Variants in ATP2A2 observed in about 807,000 individuals in gnomAD.
ATP2A2 encodes the protein ATPase sarcoplasmic/endoplasmic reticulum Ca2+ transporting 2, also known as sarcoplasmic/endoplasmic reticulum calcium ATPase 2.
A neutral mutation model predicts 109.3 loss-of-function variants in ATP2A2; 14 were observed. The ratio of observed to expected loss-of-function variants is 0.13; its 90% confidence interval spans 0.08 to 0.20. The LOEUF (loss-of-function observed/expected upper bound fraction) is 0.20. Ranked by LOEUF, ATP2A2 falls within the 10% of genes least tolerant of loss-of-function variation. The probability of loss-of-function intolerance (pLI) is 1.00; values close to 1 mark genes in which losing one functional copy is unlikely to be tolerated. For synonymous variants in ATP2A2, 506 were observed against 490.9 expected (o/e 1.03, Z -0.41); for missense variants, 657 against 1,321.6 (o/e 0.50, Z 7.80).
rs2137860656 is a variant in ATP2A2 at position 110,342,085 on chromosome 12, A to G, written c.2098-143A>G. 3 of 946,428 alleles carry G rather than the reference A, an allele frequency of 3.2e-6. No homozygotes were observed. The East Asian group carries it at 7.8e-5, about 25-fold the overall frequency. The allele number at this position is 946,428 out of a possible 1,614,324, so 58.6% of individuals were successfully genotyped here. ...AAAATGTGTTTTGTGACACCAACTTATGAAACAAAAATTCTAAAACTCTTT... is the reference window on the plus strand; with the variant it reads ...AAAATGTGTTTTGTGACACCAACTTGTGAAACAAAAATTCTAAAACTCTTT... On this transcript the variant is annotated intron_variant, in intron 14 of 19. Transcript: ENST00000539276. This position sits in a 1 kb window ranked among gnomAD's most constrained non-coding sequence, Gnocchi z 4.6.
Position 110,281,675 on chromosome 12 carries a change from G to T in ATP2A2, c.-115G>T. The T allele has an allele frequency of 1.7e-6, 1 of 602,612 alleles. No individual in the cohort carries two copies. Among genetic ancestry groups the T allele is most frequent in the Non-Finnish European group, 2.6e-6 (1 of 388,042 alleles). The allele number at this position is 602,612 out of a possible 1,614,324, so 37.3% of individuals were successfully genotyped here. A position where few individuals can be genotyped will look rare whatever the true frequency, so the allele number is the denominator to read the frequency against. ...CGGAAGCGGCCGCAAGAGGAGGAGG[G>T]GAGAGCCCGTCCGCGCCTGGGCTCC... On this transcript the variant is annotated 5_prime_UTR_variant, in exon 1 of 20. Transcript: ENST00000539276.
In ATP2A2 at chr12:110,340,410, T is replaced by A. The variant is rs1879233344; in HGVS notation, c.1762-249T>A. 6.6e-6 allele frequency among the ~76,000 whole-genome samples: 1 copy of A among 151,842 alleles called. No homozygotes were observed. The highest frequency in any genetic ancestry group is 1.5e-5 in the Non-Finnish European group (1 of 67,950). ...AAAATTAGCCAGGTGTGGTGGCGCA[T>A]ACCTGTAGTCCCAGCTACCCTGGAG... On this transcript the variant is annotated intron_variant, in intron 13 of 19. Coordinates refer to ENST00000539276, the MANE Select transcript of ATP2A2 (RefSeq NM_170665.4). The surrounding 1 kb of genome is among the most constrained non-coding windows in gnomAD (Gnocchi z 6.0).
intron 8 of ATP2A2, among the ~76,000 whole-genome samples, chr12:110,328,227 A>G (rs1877993648): frequency 1.3e-5 from 2 of 151,928 alleles, no homozygotes; most frequent in Non-Finnish European, 2.9e-5. Flanking sequence ...TGGCTGATAT[A>G]CTTGTATTAG....
intron 5 of ATP2A2, among the ~76,000 whole-genome samples, chr12:110,318,810 C>G (rs1268698993): frequency 2.0e-5 from 3 of 152,118 alleles, no homozygotes; most frequent in Non-Finnish European, 4.4e-5. Context: ...TCTTCAATAT[C>G]TTTCTACAAA....
rs776811812 is a variant in ATP2A2 at position 110,346,221 on chromosome 12, G to T, written c.2880G>T (p.Pro960=). ...EPLPLIFQIT[P]LNVTQWLMVL... is the part of the protein sequence containing the mutation. Reference sequence around the variant, plus strand: ...GTCAGCTCATCTTCCAGATCACACCGCTGAACGTGACCCAGTGGCTGATGG... The same window carrying T: ...GTCAGCTCATCTTCCAGATCACACCTCTGAACGTGACCCAGTGGCTGATGG... Residue 960 remains proline, a synonymous_variant, in exon 20 of 20, where the codon CCG becomes CCT. Coordinates refer to ENST00000539276, the MANE Select transcript of ATP2A2 (RefSeq NM_170665.4). 6.2e-7 allele frequency: 1 copy of T among 1,614,168 alleles called. No homozygotes were observed. The highest frequency in any genetic ancestry group is 2.2e-5 in the East Asian group (1 of 44,882).
At chr12:110,333,870 C>T (rs1878575771) in intron 10 of ATP2A2, 142 bp from the exon 11 acceptor site, 1 of 1,016,214 alleles carries the variant, frequency 9.8e-7, no homozygotes, top group South Asian at 1.5e-5. Flanking sequence ...ATCTGGGTCA[C>T]CTGTTTCAGA....
At chr12:110,290,591 A>C (rs1011831193) in intron 3 of ATP2A2, among the ~76,000 whole-genome samples, 3 of 152,206 alleles carry the variant, frequency 2.0e-5, no homozygotes, top group African/African-American at 7.2e-5. Flanking sequence ...ATCAAAAGAT[A>C]AGGTATTTTT....
chr12:110,281,894 A>G lies in ATP2A2; in HGVS notation c.105A>G (p.Arg35=). 6.3e-7 allele frequency: 1 copy of G among 1,578,958 alleles called. No individual in the cohort carries two copies. The highest frequency in any genetic ancestry group is 2.4e-5 in the East Asian group (1 of 42,048). The change falls in exon 1 of 20, where the codon AGA becomes AGG. Residue 35 remains arginine (R), a synonymous_variant. Coordinates refer to ENST00000539276, the MANE Select transcript of ATP2A2 (RefSeq NM_170665.4). The stretch of plus-strand genomic sequence containing the variant: ...AACAGGTCAAGAAGCTTAAGGAGAG[A>G]TGGGGCTCCAACGGTAGGTGCAGGG... The part of the protein sequence containing the change: ...SLEQVKKLKE[R]WGSNELPAEE...
rs115325329 is a variant in ATP2A2 at position 110,325,552 on chromosome 12, C to T, written c.545-838C>T. 8.1e-3 allele frequency among the ~76,000 whole-genome samples: 1,232 copies of T among 151,320 alleles called. 1 individual carries two copies. Among genetic ancestry groups the T allele is most frequent in the Non-Finnish European group, 9.5e-3 (647 of 67,866 alleles). The stretch of plus-strand genomic sequence containing the variant: ...GGGAGGCTGAGGCTGGAAAATTGCC[C>T]GGGAGGCAGAGGTTTCAGTAAGCCA... On this transcript the variant is annotated intron_variant, in intron 6 of 19. Transcript: ENST00000539276.
intron 16 of ATP2A2, 66 bp downstream of exon 16, chr12:110,343,500 T>G: frequency 6.4e-7 from 1 of 1,569,834 alleles, no homozygotes; most frequent in Non-Finnish European, 8.8e-7. Context: ...ATTTTGTAAA[T>G]TCATCCCTTA....
At position 110,350,183 on chromosome 12, in the gene ATP2A2, G is replaced by C. The variant is rs1431074507; in HGVS notation, c.*3713G>C. On this transcript the variant is annotated 3_prime_UTR_variant, in exon 20 of 20. Transcript: ENST00000539276. ...CTTGAAACCTTGAAAAGATCAAGCT[G>C]AATGTTCCTTTTCATCTGTCGCTGT... is the stretch of plus-strand genomic sequence containing the variant. 6.2e-7 allele frequency: 1 copy of C among 1,607,340 alleles called. No homozygotes were observed. Among genetic ancestry groups the C allele is most frequent in the Admixed American group, 1.7e-5 (1 of 59,286 alleles).
In ATP2A2 at chr12:110,327,963, T is replaced by G; in HGVS notation, c.1041T>G (p.Val347=). ...PSVETLGCTS[V]ICSDKTGTLT... is the part of the protein sequence containing the mutation. ...TGGAAACCCTTGGTTGTACTTCTGTTATCTGCTCAGACAAGACTGGTACAC... is the reference window on the plus strand; with the variant it reads ...TGGAAACCCTTGGTTGTACTTCTGTGATCTGCTCAGACAAGACTGGTACAC... The change falls in exon 8 of 20, where the codon GTT becomes GTG. Residue 347 remains valine (V), a synonymous_variant. Coordinates refer to ENST00000539276, the MANE Select transcript of ATP2A2 (RefSeq NM_170665.4). The surrounding 1 kb of genome is among the most constrained non-coding windows in gnomAD (Gnocchi z 4.4). 1 of 1,614,158 alleles carries G rather than the reference T, an allele frequency of 6.2e-7. No individual in the cohort carries two copies. Among genetic ancestry groups the G allele is most frequent in the Non-Finnish European group, 8.5e-7 (1 of 1,180,036 alleles).
intron 5 of ATP2A2, among the ~76,000 whole-genome samples, chr12:110,314,799 A>G (rs1876482682): frequency 6.6e-6 from 1 of 152,220 alleles, no homozygotes; most frequent in African/African-American, 2.4e-5. Flanking sequence ...GTATAAATAT[A>G]AAAGGTCTAA....
chr12:110,334,957 G>GGTGGCA (rs367696834), intron 11 of ATP2A2, among the ~76,000 whole-genome samples: 8 of 152,218 alleles, frequency 5.3e-5, no homozygotes, highest in South Asian at 2.1e-4. Flanking sequence ...TGGTGATGGT[G>GGTGGCA]GTGGCAGTGG....
chr12:110,346,705 A>C lies in ATP2A2; in HGVS notation c.*235A>C. The C allele has an allele frequency of 7.2e-7, 1 of 1,386,504 alleles. No homozygotes were observed. Among genetic ancestry groups the C allele is most frequent in the Non-Finnish European group, 9.3e-7 (1 of 1,071,872 alleles). 85.9% of individuals were successfully genotyped at this position (1,386,504 alleles called of 1,614,324 possible). On this transcript the variant is annotated 3_prime_UTR_variant, in exon 20 of 20. Transcript: ENST00000539276. ...CAGAGAACTAACACTATTTTATGCA[A>C]ATATTTTTTTGTAGATGAAAAAGCA... is the stretch of plus-strand genomic sequence containing the variant.
At chr12:110,315,784 T>C (rs1876596771) in intron 5 of ATP2A2, among the ~76,000 whole-genome samples, 1 of 152,156 alleles carries the variant, frequency 6.6e-6, no homozygotes, top group Admixed American at 6.5e-5. Context: ...CTACTAAAAA[T>C]ACAAAACTTA....
At chr12:110,293,367 C>CTTTTTTT (rs1178977431) in intron 4 of ATP2A2, among the ~76,000 whole-genome samples, 6 of 79,922 alleles carry the variant, frequency 7.5e-5, no homozygotes, top group South Asian at 7.1e-4. Context: ...CACTCCCGGC[C>CTTTTTTT]TTTTTTTTTT....
intron 5 of ATP2A2, among the ~76,000 whole-genome samples, chr12:110,300,918 G>C (rs1874560098): frequency 6.6e-6 from 1 of 152,186 alleles, no homozygotes; most frequent in Non-Finnish European, 1.5e-5. Flanking sequence ...TTGGAAAGGA[G>C]ATTGTTTTTC....
intron 5 of ATP2A2, among the ~76,000 whole-genome samples, chr12:110,314,143 A>T (rs1336701787): frequency 6.6e-6 from 1 of 151,938 alleles, no homozygotes; most frequent in Non-Finnish European, 1.5e-5. Context: ...AGCCTGACCA[A>T]CATGGAGAAA....
Sources: gnomAD v4.1 joint callset for allele counts (sites outside exome capture counted in the v4.1 genomes callset) on GRCh38, gnomAD v4.1.1 for gene constraint, Gnocchi (gnomAD v3.1) non-coding constraint, MANE v1.5 for transcripts, NCBI Gene and HGNC (gene_info 2026-07-23, HGNC 2026-07-21) for gene names.